Variants in SHANK2 observed in about 807,000 individuals in gnomAD.
SHANK2 encodes the protein SH3 and multiple ankyrin repeat domains protein 2.
Under a neutral mutation model 133.7 loss-of-function variants are expected in SHANK2, and 43 were observed. The observed-to-expected ratio is 0.32, with a 90% CI of 0.25 to 0.41. The LOEUF is 0.41. SHANK2 is among the 10% of genes least tolerant of loss of function. The probability of loss-of-function intolerance (pLI) is 1.00; values close to 1 mark genes in which losing one functional copy is unlikely to be tolerated. For synonymous variants in SHANK2, 1,017 were observed against 952.8 expected, an observed-to-expected ratio of 1.07 and a Z score of -1.24; for missense variants, 1,994 against 2,235.8, an observed-to-expected ratio of 0.89 and a Z score of 2.18.
intron 1 of SHANK2, among the ~76,000 whole-genome samples, chr11:71,239,389 AATG>A (rs1954861344): frequency 6.6e-6 from 1 of 152,194 alleles, no homozygotes; most frequent in Admixed American, 6.5e-5. Flanking sequence ...TAATAATGAT[AATG>A]ATGATGACTG....
intron 22 of SHANK2, 88 bp downstream of exon 22, chr11:70,492,247 C>A: frequency 6.4e-7 from 1 of 1,569,462 alleles, no homozygotes; most frequent in Non-Finnish European, 8.7e-7. Flanking sequence ...GACATGAAAG[C>A]GTGTGCACCT....
At chr11:70,831,556 C>G (rs1357450566) in intron 11 of SHANK2, among the ~76,000 whole-genome samples, 2 of 152,220 alleles carry the variant, frequency 1.3e-5, no homozygotes, top group African/African-American at 4.8e-5. Context: ...TCACCCCATA[C>G]ACTGCACCAC....
chr11:70,539,088 T>C (rs2059580545), intron 17 of SHANK2, among the ~76,000 whole-genome samples: 1 of 152,174 alleles, frequency 6.6e-6, no homozygotes, highest in Non-Finnish European at 1.5e-5. Flanking sequence ...GGTGGCTAAC[T>C]GGATCTGCGG....
intron 14 of SHANK2, among the ~76,000 whole-genome samples, chr11:70,735,673 C>T (rs1262077386): frequency 6.7e-6 from 1 of 149,162 alleles, no homozygotes; most frequent in East Asian, 2.0e-4. Flanking sequence ...CATTGCATTC[C>T]AGCCTGGGTG....
intron 9 of SHANK2, among the ~76,000 whole-genome samples, chr11:71,061,331 T>C (rs1251985237): frequency 5.9e-5 from 9 of 152,252 alleles, no homozygotes; most frequent in Non-Finnish European, 8.8e-5. Context: ...AAAGCAGTCC[T>C]GCACCTCCCT....
At chr11:70,539,523 A>ACTCG (rs782213138) in intron 17 of SHANK2, among the ~76,000 whole-genome samples, 9 of 98,718 alleles carry the variant, frequency 9.1e-5, no homozygotes, top group East Asian at 1.2e-3. Flanking sequence ...CGCCACGCTC[A>ACTCG]CCACGCTCAC....
At chr11:71,167,457 C>A (rs1399417776) in intron 2 of SHANK2, among the ~76,000 whole-genome samples, 19 of 135,464 alleles carry the variant, frequency 1.4e-4, no homozygotes, top group South Asian at 2.4e-4. Flanking sequence ...GCTGGCCGGG[C>A]AGAGGGGCTC....
At chr11:70,674,173 A>G (rs1270260426) in intron 15 of SHANK2, among the ~76,000 whole-genome samples, 2 of 152,084 alleles carry the variant, frequency 1.3e-5, no homozygotes, top group African/African-American at 4.8e-5. Flanking sequence ...CCATGAGTGG[A>G]AGCTTCCTGA....
chr11:70,533,046 A>G (rs1384784302), intron 17 of SHANK2, among the ~76,000 whole-genome samples: 2 of 152,186 alleles, frequency 1.3e-5, no homozygotes, highest in Non-Finnish European at 1.5e-5. Context: ...CAGAGTAGCC[A>G]AATTCACAGC....
chr11:70,954,460 C>A (rs1565427811), intron 10 of SHANK2, among the ~76,000 whole-genome samples: 1 of 152,190 alleles, frequency 6.6e-6, no homozygotes, highest in African/African-American at 2.4e-5. Flanking sequence ...TGTACTCATC[C>A]CCCTCTGGCT....
chr11:70,915,565 G>A (rs1444541641), intron 10 of SHANK2, among the ~76,000 whole-genome samples: 2 of 152,194 alleles, frequency 1.3e-5, no homozygotes, highest in South Asian at 2.1e-4. Context: ...TCTGGCCGCC[G>A]AGCCCACCCG....
intron 3 of SHANK2, among the ~76,000 whole-genome samples, chr11:71,123,090 T>G (rs1459611665): frequency 2.0e-5 from 3 of 152,130 alleles, no homozygotes; most frequent in Non-Finnish European, 2.9e-5. Context: ...GCCACCCACG[T>G]GTTCACACCA....
At chr11:70,826,984 AT>A (rs1317011994) in intron 11 of SHANK2, among the ~76,000 whole-genome samples, 2 of 151,984 alleles carry the variant, frequency 1.3e-5, no homozygotes, top group Admixed American at 6.5e-5. Flanking sequence ...GTGCTTTTCT[AT>A]TTTTTTAAAA....
chr11:70,853,409 G>A (rs782478137), intron 11 of SHANK2, among the ~76,000 whole-genome samples: 1 of 152,212 alleles, frequency 6.6e-6, no homozygotes, highest in Non-Finnish European at 1.5e-5. Flanking sequence ...GAGGCTGAGT[G>A]CGTCGGCCAT....
At chr11:70,586,131 A>G (rs2060248196) in intron 17 of SHANK2, among the ~76,000 whole-genome samples, 2 of 152,158 alleles carry the variant, frequency 1.3e-5, no homozygotes, top group Non-Finnish European at 2.9e-5. Context: ...TGGGTTGTGT[A>G]ACATGGTGGA....
intron 11 of SHANK2, among the ~76,000 whole-genome samples, chr11:70,824,934 A>G (rs1278107260): frequency 6.6e-6 from 1 of 152,104 alleles, no homozygotes; most frequent in African/African-American, 2.4e-5. Flanking sequence ...CAAAATCTCA[A>G]ACAGACACAG....
At chr11:71,080,328 C>T (rs1385237975) in intron 8 of SHANK2, among the ~76,000 whole-genome samples, 11 of 152,148 alleles carry the variant, frequency 7.2e-5, no homozygotes, top group Non-Finnish European at 1.5e-4. Context: ...CGATGCCTAG[C>T]GTCCCACCCG....
rs183036801 is a variant in SHANK2 at position 71,199,312 on chromosome 11, C to T, written c.-13+25385G>A. ...TCAGCCTCTGCAGATGTGAACAAGC[C>T]GCATATTAAAATAGAAGACTCAGCC... On this transcript the variant is annotated intron_variant, in intron 2 of 25. Coordinates refer to ENST00000601538, the MANE Select transcript of SHANK2 (RefSeq NM_012309.5). Among the ~76,000 whole-genome samples, 535 of 152,322 alleles carry T rather than the reference C, an allele frequency of 3.5e-3. 1 individual carries two copies. The highest frequency in any genetic ancestry group is 0.012 in the African/African-American group (503 of 41,560).
intron 16 of SHANK2, among the ~76,000 whole-genome samples, chr11:70,660,452 T>G (rs2061467894): frequency 6.6e-6 from 1 of 152,002 alleles, no homozygotes; most frequent in Admixed American, 6.5e-5. Flanking sequence ...TGCTCATGAG[T>G]CCTCTCTACA....
Sources: gnomAD v4.1 joint callset for allele counts (sites outside exome capture counted in the v4.1 genomes callset) on GRCh38, gnomAD v4.1.1 for gene constraint, MANE v1.5 for transcripts, NCBI Gene and HGNC (gene_info 2026-07-23, HGNC 2026-07-21) for gene names.